Variants in ITPKB observed in about 807,000 individuals in gnomAD.
The protein encoded by ITPKB is inositol-trisphosphate 3-kinase B.
ITPKB carries 13 observed loss-of-function variants against 69.4 expected under a neutral mutation model. The ratio of observed to expected loss-of-function variants is 0.19; its 90% CI spans 0.12 to 0.30. The LOEUF is 0.30. ITPKB is among the 10% of genes least tolerant of loss of function. ITPKB has a pLI of 1.00. For synonymous variants in ITPKB, 584 were observed against 513.7 expected (o/e 1.14, Z -1.85); for missense variants, 1,240 against 1,250.5 (o/e 0.99, Z 0.13).
intron 2 of ITPKB, among the ~76,000 whole-genome samples, chr1:226,704,005 C>G (rs1656743091): frequency 1.3e-5 from 2 of 152,198 alleles, no homozygotes; most frequent in South Asian, 2.1e-4. Flanking sequence ...TGCCCAACTC[C>G]ACGGTCAGCT....
Position 226,641,900 on chromosome 1 carries a change from G to C in ITPKB, c.2451+21C>G. 1 of 1,605,450 alleles carries C rather than the reference G, an allele frequency of 6.2e-7. No homozygotes were observed. The highest frequency in any genetic ancestry group is 8.5e-7 in the Non-Finnish European group (1 of 1,174,414). On this transcript the variant is annotated intron_variant, in intron 5 of 7. Transcript: ENST00000429204. The surrounding 1 kb of genome is among the most constrained non-coding windows in gnomAD (Gnocchi z 4.6). ...GTGGGCACGGGTGGGGCCCGAGGCT[G>C]CCCTCACTCGCCGGCCTCACCTTGA...
intron 2 of ITPKB, among the ~76,000 whole-genome samples, chr1:226,650,143 C>T (rs1201803758): frequency 1.3e-5 from 2 of 152,250 alleles, no homozygotes; most frequent in South Asian, 2.1e-4. Flanking sequence ...CTGCAGCCCT[C>T]AGGGGTCAGC....
chr1:226,672,765 C>CG (rs1669642102), intron 2 of ITPKB, among the ~76,000 whole-genome samples: 1 of 152,136 alleles, frequency 6.6e-6, no homozygotes, highest in African/African-American at 2.4e-5. Flanking sequence ...TGGGGTAGGG[C>CG]GAAGAAATCT....
chr1:226,671,559 G>A (rs975143026), intron 2 of ITPKB, among the ~76,000 whole-genome samples: 5 of 152,234 alleles, frequency 3.3e-5, no homozygotes, highest in African/African-American at 1.2e-4. Context: ...TACATTCTAA[G>A]TGGGGACAGG....
At chr1:226,656,655 G>A (rs1407848850) in intron 2 of ITPKB, 1 of 152,254 alleles carries the variant, frequency 6.6e-6, no homozygotes, top group Non-Finnish European at 1.5e-5. Context: ...CCTCCATCAA[G>A]ATTTTAAAAG....
intron 2 of ITPKB, among the ~76,000 whole-genome samples, chr1:226,653,646 A>G (rs3820636): frequency 0.18 from 27,613 of 152,202 alleles, 2,615 homozygotes; most frequent in Middle Eastern, 0.31. Flanking sequence ...GATGTTCTTG[A>G]GGACACTTCG....
chr1:226,713,885 AC>A (rs1308374024), intron 2 of ITPKB, among the ~76,000 whole-genome samples: 1 of 151,906 alleles, frequency 6.6e-6, no homozygotes, highest in African/African-American at 2.4e-5. Context: ...TATCACTCCC[AC>A]CCCAACATCC....
At chr1:226,665,101 C>T (rs943132364) in intron 2 of ITPKB, among the ~76,000 whole-genome samples, 1 of 152,346 alleles carries the variant, frequency 6.6e-6, no homozygotes, top group East Asian at 1.9e-4. Context: ...TCAGATTCCA[C>T]ACAAAAATCC....
chr1:226,737,353 G>T lies in ITPKB; in HGVS notation c.106C>A (p.Pro36Thr). ...PGPSGSETPP[P>T]PRRAVLSPGS... ...GGGCTCAGCACTGCCCTCCTCGGGG[G>T]CGGGGGCGTCTCGCTGCCACTGGGC... The change falls in exon 2 of 8, where the codon CCC becomes ACC. Residue 36 changes from proline to threonine, a missense_variant. This residue lies in a region of ITPKB where 992 missense variants were observed against 853.8 expected (regional missense o/e 1.16). Transcript: ENST00000429204. 6.2e-7 allele frequency: 1 copy of T among 1,605,398 alleles called. No individual in the cohort carries two copies.
intron 2 of ITPKB, chr1:226,707,739 A>G: frequency 9.5e-7 from 1 of 1,050,582 alleles, no homozygotes; most frequent in Non-Finnish European, 1.2e-6. Context: ...ATATCAAACT[A>G]CAAACAAAAT....
At chr1:226,730,068 G>A (rs1241385978) in intron 2 of ITPKB, among the ~76,000 whole-genome samples, 2 of 152,148 alleles carry the variant, frequency 1.3e-5, no homozygotes, top group African/African-American at 4.8e-5. Context: ...GTGAATGAAG[G>A]GGGCCCAGTG....
At chr1:226,671,685 T>C (rs1315070790) in intron 2 of ITPKB, among the ~76,000 whole-genome samples, 1 of 152,150 alleles carries the variant, frequency 6.6e-6, no homozygotes, top group Non-Finnish European at 1.5e-5. Context: ...AGGGGTGTGC[T>C]GGCTTAGTTG....
intron 2 of ITPKB, among the ~76,000 whole-genome samples, chr1:226,713,356 G>A (rs1019002741): frequency 4.6e-5 from 7 of 152,156 alleles, no homozygotes; most frequent in African/African-American, 1.7e-4. Flanking sequence ...AACCAGGTTT[G>A]GAGAGAACAC....
At position 226,641,306 on chromosome 1, in the gene ITPKB, G is replaced by A. The variant is rs1330177946; in HGVS notation, c.2451+615C>T. ...CCTGCCAGATACACATAGGTACAAAGGGATAGAAGGGAAAGAGCCATCATT... is the reference window on the plus strand; with the variant it reads ...CCTGCCAGATACACATAGGTACAAAAGGATAGAAGGGAAAGAGCCATCATT... On this transcript the variant is annotated intron_variant, in intron 5 of 7. Coordinates refer to ENST00000429204, the MANE Select transcript of ITPKB (RefSeq NM_002221.4). This position sits in a 1 kb window ranked among gnomAD's most constrained non-coding sequence, Gnocchi z 4.6. 6.6e-6 allele frequency among the ~76,000 whole-genome samples: 1 copy of A among 152,186 alleles called. No homozygotes were observed. The highest frequency in any genetic ancestry group is 2.4e-5 in the African/African-American group (1 of 41,442).
intron 4 of ITPKB, among the ~76,000 whole-genome samples, chr1:226,645,255 A>G (rs1436440142): frequency 6.6e-6 from 1 of 151,882 alleles, no homozygotes; most frequent in African/African-American, 2.4e-5. Context: ...TTCTGGGGAG[A>G]CCTTCCTCTT....
At position 226,736,153 on chromosome 1, in the gene ITPKB, G is replaced by GC. The variant is rs766562741; in HGVS notation, c.1305dup (p.Arg436AlafsTer105). ...TCCACTCTGTCGGAGAGCTGCCAAC[G>GC]CCCCCCGCCCACGGGGGCCCCACTT... On this transcript the variant is annotated frameshift_variant, in exon 2 of 8. Transcript: ENST00000429204. LOFTEE classifies it high-confidence loss of function. 1 of 1,560,852 alleles carries GC rather than the reference G, an allele frequency of 6.4e-7. No individual in the cohort carries two copies. Among genetic ancestry groups the GC allele is most frequent in the Non-Finnish European group, 8.7e-7 (1 of 1,153,194 alleles).
chr1:226,686,777 T>C (rs1277239120), intron 2 of ITPKB, among the ~76,000 whole-genome samples: 1 of 152,266 alleles, frequency 6.6e-6, no homozygotes, highest in Non-Finnish European at 1.5e-5. Context: ...TAGGTGTGTG[T>C]CCGTTTTTCC....
chr1:226,670,464 G>C (rs577044593), intron 2 of ITPKB, among the ~76,000 whole-genome samples: 2 of 152,320 alleles, frequency 1.3e-5, no homozygotes, highest in East Asian at 3.9e-4. Context: ...AACAATAGTA[G>C]TGAAAATAGC....
At chr1:226,671,458 A>G (rs578248753) in intron 2 of ITPKB, among the ~76,000 whole-genome samples, 2 of 152,356 alleles carry the variant, frequency 1.3e-5, no homozygotes, top group South Asian at 4.1e-4. Context: ...ACATGCATTC[A>G]CTGTTGGACA....
Sources: allele counts gnomAD v4.1 joint callset (sites outside exome capture counted in the v4.1 genomes callset), GRCh38; gene constraint gnomAD v4.1.1; regional missense constraint gnomAD v4.1.1; non-coding constraint Gnocchi (gnomAD v3.1); transcripts MANE v1.5; gene names NCBI Gene and HGNC (gene_info 2026-07-23, HGNC 2026-07-21).